ACTR3C: variants seen among roughly 807,000 people sequenced by gnomAD.
ACTR3C encodes the protein actin related protein 3C, also known as actin-related protein 3C.
Under a neutral mutation model 26.3 loss-of-function variants are expected in ACTR3C, and 18 were observed. The ratio of observed to expected loss-of-function variants is 0.68; its 90% CI spans 0.47 to 1.01. The LOEUF is 1.01. Among genes scored for constraint, ACTR3C ranks in the 50% least tolerant of loss-of-function variants. The probability of loss-of-function intolerance (pLI) is 0.00; values close to 1 mark genes in which losing one functional copy is unlikely to be tolerated. For missense variants in ACTR3C, 184 were observed against 250.7 expected, an observed-to-expected ratio of 0.73 and a Z score of 1.80; for synonymous variants, 55 against 94.5, an observed-to-expected ratio of 0.58 and a Z score of 2.42.
chr7:149,975,978 A>C, the ACTR3C span, among the ~76,000 whole-genome samples: 2,219 of 152,342 alleles, frequency 0.015, 48 homozygotes, highest in African/African-American at 0.05. Flanking sequence ...AAAGTTGATT[A>C]TTTGACAAGA....
At chr7:149,926,355 G>A in the ACTR3C span, among the ~76,000 whole-genome samples, 1 of 152,178 alleles carries the variant, frequency 6.6e-6, no homozygotes, top group Non-Finnish European at 1.5e-5. Context: ...TGGTATCTAG[G>A]ATCTTGGAGT....
the ACTR3C span, among the ~76,000 whole-genome samples, chr7:150,131,873 C>G: frequency 1.3e-5 from 2 of 152,220 alleles, no homozygotes; most frequent in African/African-American, 4.8e-5. Context: ...ATGGCTCAGT[C>G]ATAAAACGCA....
chr7:149,993,026 T>G, the ACTR3C span, among the ~76,000 whole-genome samples: 1 of 151,116 alleles, frequency 6.6e-6, no homozygotes, highest in Non-Finnish European at 1.5e-5. Context: ...GAAAGAAGCA[T>G]CCAGCACAGG....
intron 1 of ACTR3C, among the ~76,000 whole-genome samples, chr7:150,311,918 T>A (rs1176794751): frequency 6.6e-6 from 1 of 152,194 alleles, no homozygotes; most frequent in Admixed American, 6.5e-5. Context: ...ACAGCCTCCA[T>A]AACCATGCTG....
chr7:149,955,361 A>AATTG, the ACTR3C span, among the ~76,000 whole-genome samples: 1 of 152,168 alleles, frequency 6.6e-6, no homozygotes, highest in African/African-American at 2.4e-5. Context: ...TTAATTGATT[A>AATTG]ATTGATTGAT....
chr7:150,247,624 G>A (rs1247385445), intron 7 of ACTR3C, 55 bp from the exon 8 acceptor site: 12 of 135,374 alleles, frequency 8.9e-5, no homozygotes, highest in Admixed American at 1.5e-4. Context: ...TTAGTTTACC[G>A]TCTTCATAAT....
chr7:150,298,251 C>A (rs116936001), intron 1 of ACTR3C, among the ~76,000 whole-genome samples: 1 of 149,862 alleles, frequency 6.7e-6, no homozygotes, highest in Non-Finnish European at 1.5e-5. Context: ...AAACATGAGT[C>A]CTTTTAATCA....
At chr7:149,947,981 T>C in the ACTR3C span, among the ~76,000 whole-genome samples, 97 of 151,736 alleles carry the variant, frequency 6.4e-4, no homozygotes, top group South Asian at 8.3e-4. Flanking sequence ...GCCAGGATGA[T>C]GGTGCAAACC....
At chr7:150,135,799 C>T in the ACTR3C span, among the ~76,000 whole-genome samples, 34 of 95,678 alleles carry the variant, frequency 3.6e-4, no homozygotes, top group Non-Finnish European at 5.6e-4. Flanking sequence ...GGAAACGAAA[C>T]GAAAGAAAGG....
chr7:149,979,037 T>C, the ACTR3C span, among the ~76,000 whole-genome samples: 44 of 152,268 alleles, frequency 2.9e-4, no homozygotes, highest in African/African-American at 9.4e-4. Flanking sequence ...AAACACGGTA[T>C]GTGTCTCTGC....
chr7:150,035,583 G>T, the ACTR3C span, among the ~76,000 whole-genome samples: 38 of 128,992 alleles, frequency 2.9e-4, 3 homozygotes, highest in African/African-American at 1.0e-3. Context: ...AAGAGGGACT[G>T]GCTCTCAGTA....
chr7:149,936,979 G>T, the ACTR3C span, among the ~76,000 whole-genome samples: 20,313 of 150,552 alleles, frequency 0.13, 1,107 homozygotes, highest in African/African-American at 0.22. Flanking sequence ...TGGTAGAGAC[G>T]AGATCTCCCT....
At chr7:149,891,576 A>G in the ACTR3C span, among the ~76,000 whole-genome samples, 3 of 151,564 alleles carry the variant, frequency 2.0e-5, no homozygotes, top group Admixed American at 6.6e-5. Flanking sequence ...CTCTAATCCA[A>G]CGCTTTGGGA....
the ACTR3C span, among the ~76,000 whole-genome samples, chr7:150,193,960 T>A: frequency 2.7e-3 from 398 of 148,404 alleles, 2 homozygotes; most frequent in African/African-American, 9.3e-3. Context: ...AAAAAATATA[T>A]ATATATATAT....
At chr7:150,034,286 T>A in the ACTR3C span, among the ~76,000 whole-genome samples, 4 of 151,664 alleles carry the variant, frequency 2.6e-5, no homozygotes, top group Admixed American at 2.6e-4. Context: ...AGACGTAGGC[T>A]ACCGGCCTCA....
chr7:149,938,548 C>T, the ACTR3C span, among the ~76,000 whole-genome samples: 9 of 151,336 alleles, frequency 5.9e-5, no homozygotes, highest in South Asian at 4.2e-4. Context: ...GAGGAAACCC[C>T]CCAGAATGCA....
chr7:150,069,641 C>T, the ACTR3C span, among the ~76,000 whole-genome samples: 2 of 152,038 alleles, frequency 1.3e-5, no homozygotes, highest in African/African-American at 4.8e-5. Context: ...CATGTGAGCT[C>T]TTGGTGGGCT....
At chr7:150,178,498 G>A in the ACTR3C span, among the ~76,000 whole-genome samples, 20 of 150,342 alleles carry the variant, frequency 1.3e-4, no homozygotes, top group African/African-American at 2.5e-5. Context: ...TGGTCAGGCT[G>A]GTCTCGAACT....
At chr7:150,295,171 C>A in intron 2 of ACTR3C, 81 bp downstream of exon 2, 2 of 1,520,316 alleles carry the variant, frequency 1.3e-6, no homozygotes, top group South Asian at 1.2e-5. Context: ...AGTCTTCCAG[C>A]GGAGAACCTT....
Sources: gnomAD v4.1 joint callset for allele counts (sites outside exome capture counted in the v4.1 genomes callset) on GRCh38, gnomAD v4.1.1 for gene constraint, MANE v1.5 for transcripts, NCBI Gene and HGNC (gene_info 2026-07-23, HGNC 2026-07-21) for gene names.